The following ZNF121 variants were observed in gnomAD, a reference collection of about 807,000 sequenced individuals.
ZNF121 encodes zinc finger protein 121 (clone ZHC32).
A neutral mutation model predicts 2.4 loss-of-function variants in ZNF121; 1 was observed. That is an observed-to-expected ratio of 0.41 (90% CI 0.15 to 1.94). ZNF121 has a LOEUF of 1.94. Among genes scored for constraint, ZNF121 ranks in the 30% most tolerant of loss-of-function variants. ZNF121 has a pLI of 0.30. For synonymous variants in ZNF121, 173 were observed against 158.6 expected, an observed-to-expected ratio of 1.09 and a Z score of -0.68; for missense variants, 369 against 466.3, an observed-to-expected ratio of 0.79 and a Z score of 1.92.
In ZNF121 at chr19:9,566,342, T is replaced by A. The variant is rs747664710; in HGVS notation, c.771A>T (p.Glu257Asp). The A allele has an allele frequency of 4.3e-6, 7 of 1,614,002 alleles. No individual in the cohort carries two copies. The South Asian group carries it at 7.7e-5, about 18-fold the overall frequency. The change falls in exon 4 of 4, where the codon GAA (glutamate) becomes GAT (aspartate). Residue 257 changes from glutamate to aspartate, a missense_variant. This residue lies in a region of ZNF121 where 127 missense variants were observed against 169.9 expected (regional missense o/e 0.75). Transcript: ENST00000320451. ...FKTHTEEKPF[E>D]CKVCGKSFRS... The stretch of plus-strand genomic sequence containing the variant: ...TGAAGGATTTTCCACATACCTTACA[T>A]TCAAAGGGCTTCTCCTCTGTGTGAG...
At position 9,568,087 on chromosome 19, in the gene ZNF121, A is replaced by T. The variant is rs1055771975; in HGVS notation, c.3+8T>A. The T allele has an allele frequency of 6.4e-7, 1 of 1,557,418 alleles. No individual in the cohort carries two copies. The highest frequency in any genetic ancestry group is 8.8e-7 in the Non-Finnish European group (1 of 1,141,956). Reference sequence around the variant, plus strand: ...TTGAGTGTGGTAAATAAGAAATCTTAATCTTACCATTTGTATGCCGTTTGA... The same window carrying T: ...TTGAGTGTGGTAAATAAGAAATCTTTATCTTACCATTTGTATGCCGTTTGA... On this transcript the variant is annotated splice_region_variant and intron_variant, in intron 3 of 3. Coordinates refer to ENST00000320451, the MANE Select transcript of ZNF121 (RefSeq NM_001008727.5).
intron 1 of ZNF121, among the ~76,000 whole-genome samples, chr19:9,583,746 C>T (rs934151603): frequency 4.6e-5 from 7 of 152,110 alleles, no homozygotes; most frequent in African/African-American, 1.7e-4. Flanking sequence ...CTCAGGTGAT[C>T]TGCCCGCCTC....
Position 9,562,449 on chromosome 19 carries a change from C to T in ZNF121, c.*3491G>A. ...AAGGTGCTGGGATTACAGGTGTGAG[C>T]CACCGTGCCCGGCTGCTCTGTGATC... On this transcript the variant is annotated 3_prime_UTR_variant, in exon 4 of 4. Transcript: ENST00000320451. The T allele has an allele frequency of 3.5e-6, 1 of 285,708 alleles. No individual in the cohort carries two copies. The highest frequency in any genetic ancestry group is 3.2e-5 in the Admixed American group (1 of 31,442). 17.7% of individuals were successfully genotyped at this position (285,708 alleles called of 1,614,324 possible).
intron 1 of ZNF121, among the ~76,000 whole-genome samples, chr19:9,570,183 G>T (rs896698076): frequency 3.9e-5 from 6 of 152,050 alleles, no homozygotes; most frequent in Non-Finnish European, 5.9e-5. Context: ...TCCAGGCTGG[G>T]CAACAGAGCA....
Position 9,565,368 on chromosome 19 carries a change from A to AAAT in ZNF121, c.*571_*572insATT, listed in dbSNP as rs2074123208. ...CAACGACTTACAAAAAAAAAAAAAA[A>AAAT]AAAAAAAAAAAAAAAAAAAGGCCAG... On this transcript the variant is annotated 3_prime_UTR_variant, in exon 4 of 4. Transcript: ENST00000320451. 1.5e-5 allele frequency: 2 copies of AAAT among 136,368 alleles called. No individual in the cohort carries two copies. Among genetic ancestry groups the AAAT allele is most frequent in the Non-Finnish European group, 3.0e-5 (2 of 65,592 alleles). 8.4% of individuals were successfully genotyped at this position (136,368 alleles called of 1,614,324 possible). A position where few individuals can be genotyped will look rare whatever the true frequency, so the allele number is the denominator to read the frequency against.
Position 9,566,968 on chromosome 19 carries a change from G to A in ZNF121, c.145C>T (p.Pro49Ser), listed in dbSNP as rs1345146275. 3 of 1,614,020 alleles carry A rather than the reference G, an allele frequency of 1.9e-6. No individual in the cohort carries two copies. Among genetic ancestry groups the A allele is most frequent in the Non-Finnish European group, 2.5e-6 (3 of 1,180,036 alleles). ...GCAGGGGCACTGTTGTGTAACATGG[G>A]AAAGTTTTCTCCATACTCATCACAG... Reference protein sequence around the residue: ...YDCDEYGENFPMLHNSAPAGE... With the variant: ...YDCDEYGENFSMLHNSAPAGE... The change falls in exon 4 of 4, where the codon CCC (proline) becomes TCC (serine). Residue 49 changes from proline to serine, a missense_variant. By Grantham distance (74) the Pro-to-Ser change is moderately conservative. This residue lies in a region of ZNF121 where 168 missense variants were observed against 162.3 expected (regional missense o/e 1.03). Transcript: ENST00000320451.
intron 1 of ZNF121, among the ~76,000 whole-genome samples, chr19:9,582,531 T>C (rs909741975): frequency 1.3e-5 from 2 of 152,078 alleles, no homozygotes; most frequent in African/African-American, 4.8e-5. Context: ...CCGACCCCTA[T>C]CTCCCTTTGC....
intron 1 of ZNF121, among the ~76,000 whole-genome samples, chr19:9,574,507 T>G (rs192220194): frequency 3.0e-4 from 45 of 152,246 alleles, no homozygotes; most frequent in Admixed American, 9.8e-4. Flanking sequence ...CCCAGCAGAT[T>G]TGCCATGAGA....
rs1163271266 is a variant in ZNF121, at chr19:9,563,830, C to T, written c.*2110G>A. 1 of 152,220 alleles carries T rather than the reference C, an allele frequency of 6.6e-6. No homozygotes were observed. Among genetic ancestry groups the T allele is most frequent in the African/African-American group, 2.4e-5 (1 of 41,458 alleles). 9.4% of individuals were successfully genotyped at this position (152,220 alleles called of 1,614,324 possible). On this transcript the variant is annotated 3_prime_UTR_variant, in exon 4 of 4. Transcript: ENST00000320451. ...CAAGAGCCAGTTAAGAATTATGCTA[C>T]ATCTACTCTTCCTGTGGTATCTATT...
At chr19:9,581,438 T>C (rs188027929) in intron 1 of ZNF121, among the ~76,000 whole-genome samples, 8 of 152,258 alleles carry the variant, frequency 5.3e-5, no homozygotes, top group African/African-American at 1.7e-4. Flanking sequence ...AAGGGATGTC[T>C]GTAGTGAGCT....
intron 1 of ZNF121, among the ~76,000 whole-genome samples, chr19:9,581,340 C>A (rs574911072): frequency 1.3e-5 from 2 of 151,942 alleles, no homozygotes; most frequent in South Asian, 4.2e-4. Flanking sequence ...GGGGTCAGGT[C>A]GTACAATCTA....
In ZNF121 at chr19:9,567,065, A is replaced by G. The variant is rs1254277138; in HGVS notation, c.48T>C (p.Asn16=). Residue 16 remains asparagine, a synonymous_variant, in exon 4 of 4, where the codon AAT becomes AAC. Coordinates refer to ENST00000320451, the MANE Select transcript of ZNF121 (RefSeq NM_001008727.5). ...ATGAGTGTTCACTGAAGATTTCTCCATTTTCCATAAAGTCACAGAGTTCCC... is the reference window on the plus strand; with the variant it reads ...ATGAGTGTTCACTGAAGATTTCTCCGTTTTCCATAAAGTCACAGAGTTCCC... ...NGGELCDFME[N]GEIFSEHSCL... The G allele has an allele frequency of 2.5e-6, 4 of 1,613,646 alleles. No homozygotes were observed. Among genetic ancestry groups the G allele is most frequent in the Non-Finnish European group, 1.7e-6 (2 of 1,179,948 alleles).
In ZNF121 at chr19:9,562,900, A is replaced by C. The variant is rs2074108671; in HGVS notation, c.*3040T>G. On this transcript the variant is annotated 3_prime_UTR_variant, in exon 4 of 4. Transcript: ENST00000320451. Reference sequence around the variant, plus strand: ...TCCTGCCTCTTTAAAAAAAAAAAAAAAAAAAAAAAAAAATTAGCTGGCCAT... The same window carrying C: ...TCCTGCCTCTTTAAAAAAAAAAAAACAAAAAAAAAAAAATTAGCTGGCCAT... 6.7e-6 allele frequency: 1 copy of C among 150,296 alleles called. No individual in the cohort carries two copies. The highest frequency in any genetic ancestry group is 1.5e-5 in the Non-Finnish European group (1 of 67,550). 9.3% of individuals were successfully genotyped at this position (150,296 alleles called of 1,614,324 possible). A position where few individuals can be genotyped will look rare whatever the true frequency, so the allele number is the denominator to read the frequency against.
At chr19:9,583,394 C>T (rs915271097) in intron 1 of ZNF121, among the ~76,000 whole-genome samples, 38 of 148,236 alleles carry the variant, frequency 2.6e-4, no homozygotes, top group Non-Finnish European at 3.4e-4. Flanking sequence ...TGGCAGATCT[C>T]GGCTCACTGC....
At chr19:9,575,708 A>G (rs2074205900) in intron 1 of ZNF121, among the ~76,000 whole-genome samples, 1 of 152,180 alleles carries the variant, frequency 6.6e-6, no homozygotes, top group African/African-American at 2.4e-5. Flanking sequence ...ACACCACTGC[A>G]CTCCAGCCTG....
intron 1 of ZNF121, among the ~76,000 whole-genome samples, chr19:9,574,335 T>C (rs930342347): frequency 1.6e-4 from 25 of 152,026 alleles, no homozygotes; most frequent in African/African-American, 6.0e-4. Flanking sequence ...TTTGTTTTTT[T>C]AGTAGAGACA....
In ZNF121 at chr19:9,583,036, A is replaced by C. The variant is rs547525966; in HGVS notation, c.-160+1425T>G. 6.9e-3 allele frequency among the ~76,000 whole-genome samples: 789 copies of C among 115,174 alleles called. 5 individuals are homozygous for C. Among genetic ancestry groups the C allele is most frequent in the Non-Finnish European group, 0.01 (603 of 58,696 alleles). The allele number at this position is 115,174 out of a possible 152,430, so 75.6% of individuals were successfully genotyped here. A position where few individuals can be genotyped will look rare whatever the true frequency, so the allele number is the denominator to read the frequency against. On this transcript the variant is annotated intron_variant, in intron 1 of 3. Transcript: ENST00000320451. ...AGACCAGCCTGGCGAGCATGGTGAA[A>C]CCCTGTCTCCACTAAAAATACAAAA...
chr19:9,568,001 T>C, intron 3 of ZNF121, 94 bp downstream of exon 3: 1 of 1,343,536 alleles, frequency 7.4e-7, no homozygotes, highest in African/African-American at 1.5e-5. Context: ...TGAGTAAATG[T>C]TACCTCTCTC....
intron 1 of ZNF121, chr19:9,584,045 C>G (rs745960189): frequency 2.6e-5 from 4 of 152,160 alleles, no homozygotes; most frequent in Non-Finnish European, 5.9e-5. Context: ...AAGTCAGAGC[C>G]CTCTTGAAAC....
Sources: gnomAD v4.1 joint callset for allele counts (sites outside exome capture counted in the v4.1 genomes callset) on GRCh38, gnomAD v4.1.1 for gene constraint, gnomAD v4.1.1 regional missense constraint, MANE v1.5 for transcripts, NCBI Gene and HGNC (gene_info 2026-07-23, HGNC 2026-07-21) for gene names.